Variants in SH3GL2 observed in about 807,000 individuals in gnomAD.
The protein encoded by SH3GL2 is SH3 domain containing GRB2 like 2, endophilin A1.
SH3GL2 carries 24 observed loss-of-function variants against 46.0 expected under a neutral mutation model. That is an observed-to-expected ratio of 0.52 (90% CI 0.38 to 0.73). The LOEUF (loss-of-function observed/expected upper bound fraction) is 0.73, where lower values mean the gene tolerates loss of function less well. SH3GL2 is among the 30% of genes least tolerant of loss of function. SH3GL2 has a pLI of 0.00. For synonymous variants in SH3GL2, 196 were observed against 147.1 expected (o/e 1.33, Z -2.40); for missense variants, 413 against 424.2 (o/e 0.97, Z 0.23).
intron 1 of SH3GL2, among the ~76,000 whole-genome samples, chr9:17,656,840 A>G (rs190676278): frequency 6.6e-6 from 1 of 151,292 alleles, no homozygotes; most frequent in Admixed American, 6.6e-5. Context: ...ACATGTGATT[A>G]CTTGACACGT....
intron 1 of SH3GL2, among the ~76,000 whole-genome samples, chr9:17,693,908 G>A (rs1428357581): frequency 6.6e-6 from 1 of 152,136 alleles, no homozygotes; most frequent in Non-Finnish European, 1.5e-5. Flanking sequence ...ATTGATAAAA[G>A]AATTTATTAC....
chr9:17,615,544 A>T (rs1041712149), intron 1 of SH3GL2, among the ~76,000 whole-genome samples: 5 of 151,270 alleles, frequency 3.3e-5, no homozygotes, highest in Admixed American at 3.3e-4. Context: ...AATCCCAGCT[A>T]CTCGGGAAGC....
chr9:17,697,896 G>T (rs1821248457), intron 1 of SH3GL2, among the ~76,000 whole-genome samples: 1 of 152,170 alleles, frequency 6.6e-6, no homozygotes, highest in Non-Finnish European at 1.5e-5. Flanking sequence ...ATTGGTTGAA[G>T]GGAATTAGTA....
chr9:17,726,469 T>G (rs1055670133), intron 1 of SH3GL2, among the ~76,000 whole-genome samples: 5 of 152,186 alleles, frequency 3.3e-5, no homozygotes, highest in African/African-American at 9.6e-5. Flanking sequence ...GTGTGGACTT[T>G]GGGCACTGTA....
chr9:17,697,999 G>A (rs1474580767), intron 1 of SH3GL2, among the ~76,000 whole-genome samples: 1 of 152,200 alleles, frequency 6.6e-6, no homozygotes, highest in Non-Finnish European at 1.5e-5. Context: ...CTGTGTGCTT[G>A]TTCTTATTCA....
intron 1 of SH3GL2, among the ~76,000 whole-genome samples, chr9:17,681,221 A>T (rs1275862151): frequency 6.6e-6 from 1 of 152,200 alleles, no homozygotes; most frequent in African/African-American, 2.4e-5. Context: ...AGAACTAAGT[A>T]GGAAGAGGTA....
At chr9:17,594,140 G>A (rs1818531172) in intron 1 of SH3GL2, among the ~76,000 whole-genome samples, 1 of 152,132 alleles carries the variant, frequency 6.6e-6, no homozygotes, top group Non-Finnish European at 1.5e-5. Flanking sequence ...TCCCAGGATA[G>A]GTCCCTCTGA....
intron 1 of SH3GL2, among the ~76,000 whole-genome samples, chr9:17,669,513 G>T (rs1820421949): frequency 6.6e-6 from 1 of 152,148 alleles, no homozygotes; most frequent in South Asian, 2.1e-4. Context: ...TAGAAAAGCA[G>T]AATTATACAG....
intron 3 of SH3GL2, among the ~76,000 whole-genome samples, chr9:17,763,129 C>A (rs977168877): frequency 1.3e-5 from 2 of 152,146 alleles, no homozygotes; most frequent in African/African-American, 4.8e-5. Context: ...AACCATTTTT[C>A]TCCATATAAA....
intron 3 of SH3GL2, among the ~76,000 whole-genome samples, chr9:17,768,391 A>C (rs955839661): frequency 7.3e-5 from 11 of 150,358 alleles, no homozygotes; most frequent in Admixed American, 2.6e-4. Context: ...AAAAAAAAAA[A>C]CACCAGATTC....
intron 3 of SH3GL2, among the ~76,000 whole-genome samples, chr9:17,785,880 G>A (rs7871893): frequency 0.095 from 14,443 of 152,108 alleles, 1,769 homozygotes; most frequent in African/African-American, 0.28. Context: ...AAATAGTTCT[G>A]TTTCATACAT....
At chr9:17,601,019 C>G (rs1465254635) in intron 1 of SH3GL2, among the ~76,000 whole-genome samples, 1 of 152,068 alleles carries the variant, frequency 6.6e-6, no homozygotes, top group Non-Finnish European at 1.5e-5. Flanking sequence ...TGATCCCCTC[C>G]CTTGGTCAGT....
rs765644061 is a variant in SH3GL2, at chr9:17,795,998, G to A, written c.*255G>A. On this transcript the variant is annotated 3_prime_UTR_variant, in exon 9 of 9. Coordinates refer to ENST00000380607, the MANE Select transcript of SH3GL2 (RefSeq NM_003026.5). The stretch of plus-strand genomic sequence containing the variant: ...ACCAGCCAGTAGTCACAGAACTGCT[G>A]TTTACACAGTTCTCAGGAGGCTGTG... The A allele has an allele frequency of 2.1e-6, 1 of 487,784 alleles. No homozygotes were observed. Among genetic ancestry groups the A allele is most frequent in the Admixed American group, 3.3e-5 (1 of 30,104 alleles). The allele number at this position is 487,784 out of a possible 1,614,324, so 30.2% of individuals were successfully genotyped here.
At chr9:17,717,230 A>T (rs3824379) in intron 1 of SH3GL2, among the ~76,000 whole-genome samples, 1 of 152,036 alleles carries the variant, frequency 6.6e-6, no homozygotes, top group South Asian at 2.1e-4. Flanking sequence ...CTTTCTGTAC[A>T]TTCTCTCTTT....
At chr9:17,686,876 A>G (rs939812090) in intron 1 of SH3GL2, among the ~76,000 whole-genome samples, 1 of 151,000 alleles carries the variant, frequency 6.6e-6, no homozygotes, top group East Asian at 2.0e-4. Context: ...CCAGCATGGC[A>G]CATGTATACA....
At chr9:17,727,787 C>T (rs112103770) in intron 1 of SH3GL2, among the ~76,000 whole-genome samples, 90 of 152,238 alleles carry the variant, frequency 5.9e-4, no homozygotes, top group Non-Finnish European at 1.1e-3. Flanking sequence ...ACTTGGTGAC[C>T]GGCTCCAGAA....
intron 1 of SH3GL2, among the ~76,000 whole-genome samples, chr9:17,605,544 G>A (rs1403012588): frequency 2.0e-5 from 3 of 152,302 alleles, no homozygotes; most frequent in Non-Finnish European, 2.9e-5. Flanking sequence ...AGCACTTTCA[G>A]TATATAGTCC....
rs147336416 is a variant in SH3GL2, at chr9:17,676,572, C to T, written c.46-70494C>T. On this transcript the variant is annotated intron_variant, in intron 1 of 8. Transcript: ENST00000380607. Reference sequence around the variant, plus strand: ...AATGAGCTGAGATTGCACCACTGCACTCCAGCCTGGGTGACAGAGCAAGAC... The same window carrying T: ...AATGAGCTGAGATTGCACCACTGCATTCCAGCCTGGGTGACAGAGCAAGAC... Among the ~76,000 whole-genome samples, 312 of 152,322 alleles carry T rather than the reference C, an allele frequency of 2.0e-3. 1 individual carries two copies. Among genetic ancestry groups the T allele is most frequent in the African/African-American group, 7.2e-3 (299 of 41,556 alleles).
intron 2 of SH3GL2, among the ~76,000 whole-genome samples, chr9:17,759,361 C>T (rs998111830): frequency 1.3e-5 from 2 of 152,228 alleles, no homozygotes; most frequent in African/African-American, 4.8e-5. Context: ...GTTTCACCGG[C>T]TACTGCCAGG....
Sources: gnomAD v4.1 joint callset for allele counts (sites outside exome capture counted in the v4.1 genomes callset) on GRCh38, gnomAD v4.1.1 for gene constraint, MANE v1.5 for transcripts, NCBI Gene and HGNC (gene_info 2026-07-23, HGNC 2026-07-21) for gene names.